CDH17: variants seen among roughly 807,000 people sequenced by gnomAD.
The protein encoded by CDH17 is cadherin-17.
CDH17 carries 67 observed loss-of-function variants against 86.3 expected under a neutral mutation model. The observed-to-expected ratio is 0.78, with a 90% CI of 0.64 to 0.95. The LOEUF (loss-of-function observed/expected upper bound fraction) is 0.95, where lower values mean the gene tolerates loss of function less well. Among genes scored for constraint, CDH17 ranks in the 40% least tolerant of loss-of-function variants. The pLI is 0.00. For synonymous variants in CDH17, 367 were observed against 366.4 expected, an observed-to-expected ratio of 1.00 and a Z score of -0.02; for missense variants, 993 against 1,017.6, an observed-to-expected ratio of 0.98 and a Z score of 0.33.
intron 10 of CDH17, among the ~76,000 whole-genome samples, chr8:94,165,500 A>G (rs530112287): frequency 5.9e-5 from 9 of 152,228 alleles, no homozygotes; most frequent in South Asian, 2.1e-4. Flanking sequence ...GCTCCCCCCA[A>G]TAAAATCCTC....
chr8:94,204,335 A>G (rs1191583872), intron 1 of CDH17, among the ~76,000 whole-genome samples: 1 of 151,958 alleles, frequency 6.6e-6, no homozygotes, highest in Non-Finnish European at 1.5e-5. Context: ...CCGATGTGTG[A>G]TGTTCCCCTG....
At chr8:94,141,529 T>A (rs1372481943) in intron 15 of CDH17, among the ~76,000 whole-genome samples, 1 of 152,154 alleles carries the variant, frequency 6.6e-6, no homozygotes, top group Non-Finnish European at 1.5e-5. Flanking sequence ...AACATGATTG[T>A]CTATGTAGAA....
At chr8:94,212,816 G>A (rs1404601096), upstream of CDH17, among the ~76,000 whole-genome samples, 1 of 152,208 alleles carries the variant, frequency 6.6e-6, no homozygotes, top group Non-Finnish European at 1.5e-5. Flanking sequence ...CCAGCAGGCG[G>A]GGCCCTCAAT....
At chr8:94,138,007 A>G (rs1812565176) in intron 15 of CDH17, among the ~76,000 whole-genome samples, 1 of 152,066 alleles carries the variant, frequency 6.6e-6, no homozygotes. Flanking sequence ...AGGCCTCAAA[A>G]TCCCTCTGAG....
intron 10 of CDH17, among the ~76,000 whole-genome samples, chr8:94,163,650 G>A (rs1227215698): frequency 6.6e-6 from 1 of 152,216 alleles, no homozygotes; most frequent in Non-Finnish European, 1.5e-5. Flanking sequence ...AACTCTTTGA[G>A]GGGAGTCTCC....
upstream of CDH17, among the ~76,000 whole-genome samples, chr8:94,212,742 T>C (rs1340235636): frequency 6.6e-6 from 1 of 152,216 alleles, no homozygotes; most frequent in Non-Finnish European, 1.5e-5. Flanking sequence ...GGACCCACTT[T>C]GTACTTTGTT....
Position 94,208,171 on chromosome 8 carries a change from G to C in CDH17, c.-21+312C>G, listed in dbSNP as rs1434782548. ...TTTTATATACTCATCACAAAGAATG[G>C]ATGTGATACTTGTTTAAACATCAGA... On this transcript the variant is annotated intron_variant, in intron 1 of 17. Coordinates refer to ENST00000027335, the MANE Select transcript of CDH17 (RefSeq NM_004063.4). Among the ~76,000 whole-genome samples, 3 of 152,216 alleles carry C rather than the reference G, an allele frequency of 2.0e-5. No individual in the cohort carries two copies. The East Asian group carries it at 5.8e-4, about 29-fold the overall frequency.
chr8:94,182,628 A>T (rs905582939), intron 3 of CDH17, among the ~76,000 whole-genome samples: 2 of 152,110 alleles, frequency 1.3e-5, no homozygotes, highest in African/African-American at 2.4e-5. Context: ...CCTAATAAGG[A>T]CACCGAAGTA....
chr8:94,181,449 A>G (rs769212527), intron 3 of CDH17, among the ~76,000 whole-genome samples: 8 of 152,138 alleles, frequency 5.3e-5, no homozygotes, highest in Non-Finnish European at 8.8e-5. Context: ...GAAGTTATAC[A>G]AAGTATTTGA....
intron 3 of CDH17, among the ~76,000 whole-genome samples, chr8:94,183,243 T>C (rs1813515478): frequency 6.6e-6 from 1 of 152,156 alleles, no homozygotes; most frequent in Non-Finnish European, 1.5e-5. Context: ...GTTTGTAGAA[T>C]TTCCAGGCTG....
chr8:94,202,737 T>A (rs1813943885), intron 1 of CDH17: 1 of 160,618 alleles, frequency 6.2e-6, no homozygotes, highest in South Asian at 1.8e-4. Flanking sequence ...TGTTGGATAA[T>A]ATCAAGGCAT....
chr8:94,159,572 C>T lies in CDH17; in HGVS notation c.1551+399G>A, dbSNP rs1000190711. The stretch of plus-strand genomic sequence containing the variant: ...CCACTCCCAGACCGTAAGAGTGTTG[C>T]GAGATTTAGCAAATAGCAAATAAAA... On this transcript the variant is annotated intron_variant, in intron 12 of 17. Transcript: ENST00000027335. Among the ~76,000 whole-genome samples the T allele has an allele frequency of 5.3e-5, 8 of 152,132 alleles. No homozygotes were observed. In the South Asian group the frequency reaches 6.2e-4, roughly 12 times the overall value.
Position 94,146,025 on chromosome 8 carries a change from A to G in CDH17, c.2070T>C (p.Ala690=), listed in dbSNP as rs1293090477. 1.2e-6 allele frequency: 2 copies of G among 1,613,902 alleles called. No homozygotes were observed. Among genetic ancestry groups the G allele is most frequent in the Non-Finnish European group, 1.7e-6 (2 of 1,179,950 alleles). The change falls in exon 15 of 18, where the codon GCT becomes GCC. Residue 690 remains alanine (A), a synonymous_variant. Coordinates refer to ENST00000027335, the MANE Select transcript of CDH17 (RefSeq NM_004063.4). Reference sequence around the variant, plus strand: ...GAAATAAGTGCTGATCATCATCAGTAGCCTCGAAAATGAGACTTCCAGGTG... The same window carrying G: ...GAAATAAGTGCTGATCATCATCAGTGGCCTCGAAAATGAGACTTCCAGGTG... ...LSAPGSLIFE[A]TDDDQHLFRG...
chr8:94,159,642 C>A (rs1281330569), intron 12 of CDH17, among the ~76,000 whole-genome samples: 1 of 152,134 alleles, frequency 6.6e-6, no homozygotes, highest in Non-Finnish European at 1.5e-5. Flanking sequence ...AAATGACAAA[C>A]AAGTTTTTAG....
At position 94,160,041 on chromosome 8, in the gene CDH17, C is replaced by T; in HGVS notation, c.1481G>A (p.Gly494Glu). The change falls in exon 12 of 18, where the codon GGA becomes GAA. Residue 494 changes from glycine (G) to glutamate (E), a missense_variant. By Grantham distance (98) the Gly-to-Glu change is moderately conservative. Coordinates refer to ENST00000027335, the MANE Select transcript of CDH17 (RefSeq NM_004063.4). ...AACCCCCAGGCGTCCCTCACTGTCT[C>T]CCTTTATGATATGATACAGAATTTT... ...SSKILYHIIK[G>E]DSEGRLGVDT... 6.2e-7 allele frequency: 1 copy of T among 1,613,848 alleles called. No homozygotes were observed. Among genetic ancestry groups the T allele is most frequent in the Non-Finnish European group, 8.5e-7 (1 of 1,179,864 alleles).
In CDH17 at chr8:94,148,825, T is replaced by C. The variant is rs1214075603; in HGVS notation, c.1846A>G (p.Thr616Ala). Reference sequence around the variant, plus strand: ...GGAGCCACACTAAAGATCTCACCAGTCACGTGGTCAATTTTAAGCCAACCT... The same window carrying C: ...GGAGCCACACTAAAGATCTCACCAGCCACGTGGTCAATTTTAAGCCAACCT... Reference protein sequence around the residue: ...TRGWLKIDHVTGEIFSVAPLD... With the variant: ...TRGWLKIDHVAGEIFSVAPLD... Residue 616 changes from threonine to alanine, a missense_variant, in exon 14 of 18, where the codon ACT (threonine) becomes GCT (alanine). Physicochemically the swap from Thr to Ala is moderately conservative, Grantham distance 58. Transcript: ENST00000027335. The C allele has an allele frequency of 9.9e-6, 16 of 1,609,000 alleles. No homozygotes were observed. Among genetic ancestry groups the C allele is most frequent in the Non-Finnish European group, 1.4e-5 (16 of 1,177,930 alleles).
At chr8:94,196,844 T>C (rs545559115) in intron 1 of CDH17, among the ~76,000 whole-genome samples, 1 of 152,286 alleles carries the variant, frequency 6.6e-6, no homozygotes, top group African/African-American at 2.4e-5. Flanking sequence ...ATCTTCCCTT[T>C]TCTTTGTAAC....
At chr8:94,179,887 C>T (rs1813446048) in intron 3 of CDH17, among the ~76,000 whole-genome samples, 1 of 152,140 alleles carries the variant, frequency 6.6e-6, no homozygotes, top group African/African-American at 2.4e-5. Flanking sequence ...TGCCACATCA[C>T]ATTATTTAAA....
chr8:94,186,959 C>T (rs1188123198), intron 3 of CDH17, among the ~76,000 whole-genome samples: 1 of 152,218 alleles, frequency 6.6e-6, no homozygotes, highest in Non-Finnish European at 1.5e-5. Context: ...ATTTTCTTGA[C>T]AAGTGCACAC....
Sources: gnomAD v4.1 joint callset for allele counts (sites outside exome capture counted in the v4.1 genomes callset) on GRCh38, gnomAD v4.1.1 for gene constraint, MANE v1.5 for transcripts, NCBI Gene and HGNC (gene_info 2026-07-23, HGNC 2026-07-21) for gene names.